The following GCA variants were observed in gnomAD, a reference collection of about 807,000 sequenced individuals.
GCA encodes the protein grancalcin.
Under a neutral mutation model 32.6 loss-of-function variants are expected in GCA, and 30 were observed. The observed-to-expected ratio is 0.92, with a 90% CI of 0.69 to 1.25. GCA has a LOEUF of 1.25. Ranked by LOEUF, GCA falls within the 50% of genes most tolerant of loss-of-function variation. GCA has a pLI of 0.00. For synonymous variants in GCA, 102 were observed against 84.6 expected (o/e 1.21, Z -1.13); for missense variants, 291 against 266.8 (o/e 1.09, Z -0.63).
downstream of GCA, among the ~76,000 whole-genome samples, chr2:162,367,109 T>G (rs2105370074): frequency 6.6e-6 from 1 of 151,984 alleles, no homozygotes; most frequent in East Asian, 1.9e-4. Context: ...CAAGATATGT[T>G]AGATGCTAAC....
intron 1 of GCA, among the ~76,000 whole-genome samples, chr2:162,325,544 G>C (rs562157360): frequency 2.0e-5 from 3 of 152,146 alleles, no homozygotes; most frequent in Non-Finnish European, 4.4e-5. Context: ...TCAAATTCCT[G>C]TCCTACACAA....
intron 1 of GCA, among the ~76,000 whole-genome samples, chr2:162,320,033 C>T (rs1279174440): frequency 1.3e-5 from 2 of 152,162 alleles, no homozygotes; most frequent in Non-Finnish European, 2.9e-5. Flanking sequence ...TTGTAAGCTG[C>T]TTGAAGAAGG....
At chr2:162,343,944 C>G (rs978674186), upstream of GCA, 1 of 395,814 alleles carries the variant, frequency 2.5e-6, no homozygotes, top group African/African-American at 2.0e-5. Context: ...CAGTAAGAGT[C>G]GAGCAGGGAC....
chr2:162,356,719 T>G, intron 4 of GCA, 39 bp from the exon 5 acceptor site: 2 of 1,490,698 alleles, frequency 1.3e-6, no homozygotes, highest in East Asian at 4.5e-5. Context: ...TCAGATAAAC[T>G]CAGGTATCAG....
At chr2:162,321,166 A>G (rs563652599) in intron 1 of GCA, among the ~76,000 whole-genome samples, 2 of 152,216 alleles carry the variant, frequency 1.3e-5, no homozygotes, top group Admixed American at 1.3e-4. Context: ...TTTTTCATCT[A>G]TATTTTTTGC....
At chr2:162,369,677 T>C (rs1333643493) in intron 4 of GCA, among the ~76,000 whole-genome samples, 1 of 152,116 alleles carries the variant, frequency 6.6e-6, no homozygotes, top group Non-Finnish European at 1.5e-5. Context: ...ATGAACATTC[T>C]CTGGTGAATT....
rs1043241201 is a variant in GCA at position 162,352,923 on chromosome 2, A to G, written c.262+516A>G. Among the ~76,000 whole-genome samples, 7 of 152,150 alleles carry G rather than the reference A, an allele frequency of 4.6e-5. No individual in the cohort carries two copies. In the East Asian group the frequency reaches 7.7e-4, roughly 17 times the overall value. ...TAGCTGTATCTTATGATAATGTATG[A>G]TTACTTTTCCTTTTTATATAATGTT... On this transcript the variant is annotated intron_variant, in intron 3 of 7. Transcript: ENST00000437150.
intron 1 of GCA, among the ~76,000 whole-genome samples, chr2:162,320,480 T>A (rs1180803466): frequency 6.6e-6 from 1 of 152,214 alleles, no homozygotes; most frequent in African/African-American, 2.4e-5. Context: ...ATCCTTCTGT[T>A]TCTTGGTTTC....
At chr2:162,370,452 G>A (rs1685892963) in intron 4 of GCA, among the ~76,000 whole-genome samples, 1 of 151,988 alleles carries the variant, frequency 6.6e-6, no homozygotes, top group African/African-American at 2.4e-5. Flanking sequence ...AGATACATAT[G>A]TCCCCCACAA....
At chr2:162,344,017 A>T, upstream of GCA, 1 of 585,926 alleles carries the variant, frequency 1.7e-6, no homozygotes, top group South Asian at 2.0e-5. Context: ...GGCTGCGGGA[A>T]GGGGCGGACT....
At chr2:162,372,011 C>A (rs762674054), downstream of GCA, 2 of 1,613,744 alleles carry the variant, frequency 1.2e-6, no homozygotes, top group South Asian at 2.2e-5. Flanking sequence ...AAGTTGTCTT[C>A]TGAAGCTGTG....
At chr2:162,353,398 G>A (rs1048617864) in intron 3 of GCA, among the ~76,000 whole-genome samples, 1 of 152,166 alleles carries the variant, frequency 6.6e-6, no homozygotes, top group African/African-American at 2.4e-5. Context: ...AACCCAGGAG[G>A]CAGAGGTTCC....
intron 4 of GCA, chr2:162,371,278 A>C: frequency 8.2e-6 from 10 of 1,219,274 alleles, no homozygotes; most frequent in Non-Finnish European, 1.1e-5. Context: ...AGAGGTTTAC[A>C]ACTCAAACTT....
downstream of GCA, among the ~76,000 whole-genome samples, chr2:162,365,732 C>T (rs1685732241): frequency 6.6e-6 from 1 of 151,532 alleles, no homozygotes; most frequent in South Asian, 2.1e-4. Context: ...AGCTAAAAAG[C>T]GTTAATGTGC....
chr2:162,365,387 A>G (rs1424241720), downstream of GCA, among the ~76,000 whole-genome samples: 2 of 151,682 alleles, frequency 1.3e-5, no homozygotes, highest in African/African-American at 2.4e-5. Context: ...TTGTGCAAGT[A>G]GATTACACTG....
rs975912316 is a variant in GCA at position 162,362,118 on chromosome 2, A to G, written c.*1875A>G. On this transcript the variant is annotated 3_prime_UTR_variant, in exon 8 of 8. Transcript: ENST00000437150. ...ATAGAAGGTCTATGAAGGAGCTTCC[A>G]TGGCCAAACATATTTAGAAACTCTC... 7.1e-6 allele frequency: 7 copies of G among 984,608 alleles called. No homozygotes were observed. Among genetic ancestry groups the G allele is most frequent in the African/African-American group, 1.7e-5 (1 of 57,168 alleles). 61.0% of individuals were successfully genotyped at this position (984,608 alleles called of 1,614,324 possible). A position where few individuals can be genotyped will look rare whatever the true frequency, so the allele number is the denominator to read the frequency against.
downstream of GCA, among the ~76,000 whole-genome samples, chr2:162,364,402 G>C (rs184482125): frequency 9.4e-4 from 142 of 151,368 alleles, 1 homozygote; most frequent in African/African-American, 3.3e-3. Context: ...CTATCTATTT[G>C]TGGTACCCTC....
At chr2:162,356,611 A>G (rs1397536582) in intron 4 of GCA, 130 bp downstream of exon 4, 11 of 867,098 alleles carry the variant, frequency 1.3e-5, no homozygotes, top group Non-Finnish European at 2.0e-5. Flanking sequence ...ATCCTGTTTA[A>G]ATTCTAGGCT....
chr2:162,372,900 C>A (rs1576313837), downstream of GCA, among the ~76,000 whole-genome samples: 3 of 152,122 alleles, frequency 2.0e-5, no homozygotes, highest in Non-Finnish European at 4.4e-5. Context: ...TAAATTGCTT[C>A]TCTTACCATG....
Sources: gnomAD v4.1 joint callset for allele counts (sites outside exome capture counted in the v4.1 genomes callset) on GRCh38, gnomAD v4.1.1 for gene constraint, MANE v1.5 for transcripts, NCBI Gene and HGNC (gene_info 2026-07-23, HGNC 2026-07-21) for gene names.